Variants in FERMT3 observed in about 807,000 individuals in gnomAD.
FERMT3 encodes the protein FERM domain containing kindlin 3.
A neutral mutation model predicts 80.8 loss-of-function variants in FERMT3; 33 were observed. The ratio of observed to expected loss-of-function variants is 0.41; its 90% CI spans 0.31 to 0.55. The LOEUF (loss-of-function observed/expected upper bound fraction) is 0.55. Ranked by LOEUF, FERMT3 falls within the 20% of genes least tolerant of loss-of-function variation. FERMT3 has a pLI of 0.31. For synonymous variants in FERMT3, 375 were observed against 372.2 expected, an observed-to-expected ratio of 1.01 and a Z score of -0.09; for missense variants, 754 against 908.7, an observed-to-expected ratio of 0.83 and a Z score of 2.19.
intron 6 of FERMT3, among the ~76,000 whole-genome samples, chr11:64,214,392 C>A (rs955586417): frequency 6.6e-6 from 1 of 152,264 alleles, no homozygotes; most frequent in Admixed American, 6.5e-5. Flanking sequence ...GTTGCCCAGG[C>A]TAGAGTGCAA....
chr11:64,210,401 C>T lies in FERMT3; in HGVS notation c.161-210C>T, dbSNP rs893627200. ...CTCCCCTGGGAAGCGATATAGAAGC[C>T]AAGCCTAGAAGGCCAAATCAGGGGC... On this transcript the variant is annotated intron_variant, in intron 2 of 14. Transcript: ENST00000345728. The surrounding 1 kb of genome is among the most constrained non-coding windows in gnomAD (Gnocchi z 4.3). Among the ~76,000 whole-genome samples, 1 of 152,198 alleles carries T rather than the reference C, an allele frequency of 6.6e-6. No individual in the cohort carries two copies.
At chr11:64,209,132 C>G (rs1456598866) in intron 2 of FERMT3, among the ~76,000 whole-genome samples, 1 of 151,948 alleles carries the variant, frequency 6.6e-6, no homozygotes, top group African/African-American at 2.4e-5. Context: ...TGTCCCCCAG[C>G]CCTGAGAGGT....
In FERMT3 at chr11:64,211,214, G is replaced by A. The variant is rs1215642466; in HGVS notation, c.514+43G>A. 9 of 1,594,234 alleles carry A rather than the reference G, an allele frequency of 5.6e-6. No individual in the cohort carries two copies. Among genetic ancestry groups the A allele is most frequent in the African/African-American group, 1.3e-5 (1 of 74,264 alleles). Reference sequence around the variant, plus strand: ...TGGGCCTGGGGGGTTGGGGGCAGGGGCCGGCCCGTGAGTCCCAGCCCTGGG... The same window carrying A: ...TGGGCCTGGGGGGTTGGGGGCAGGGACCGGCCCGTGAGTCCCAGCCCTGGG... On this transcript the variant is annotated intron_variant, in intron 4 of 14. Coordinates refer to ENST00000345728, the MANE Select transcript of FERMT3 (RefSeq NM_031471.6). The surrounding 1 kb of genome is among the most constrained non-coding windows in gnomAD (Gnocchi z 4.7).
intron 6 of FERMT3, among the ~76,000 whole-genome samples, chr11:64,215,240 G>A (rs755472738): frequency 3.2e-4 from 48 of 152,212 alleles, no homozygotes; most frequent in Non-Finnish European, 5.0e-4. Flanking sequence ...CCCACACCCC[G>A]ACCACCACTG....
At chr11:64,217,085 G>A (rs1946568402) in intron 6 of FERMT3, among the ~76,000 whole-genome samples, 1 of 152,148 alleles carries the variant, frequency 6.6e-6, no homozygotes, top group Non-Finnish European at 1.5e-5. Flanking sequence ...CCCCCTGGAG[G>A]CGATGGGGCC....
intron 2 of FERMT3, 41 bp downstream of exon 2, chr11:64,207,565 G>A: frequency 1.3e-6 from 2 of 1,572,758 alleles, no homozygotes; most frequent in Non-Finnish European, 1.7e-6. Flanking sequence ...GGCACCATGG[G>A]CGGCCGCCAC....
In FERMT3 at chr11:64,207,501, T is replaced by A; in HGVS notation, c.137T>A (p.Leu46His). 6.2e-7 allele frequency: 1 copy of A among 1,612,538 alleles called. No individual in the cohort carries two copies. Among genetic ancestry groups the A allele is most frequent in the Non-Finnish European group, 8.5e-7 (1 of 1,179,150 alleles). Reference protein sequence around the residue: ...VTGESHIGGVLLKIVEQINRK... With the variant: ...VTGESHIGGVHLKIVEQINRK... ...GGGGAGTCGCACATCGGCGGGGTGC[T>A]CCTGAAGATTGTGGAGCAGATCAGT... Residue 46 changes from leucine (L) to histidine (H), a missense_variant, in exon 2 of 15, where the codon CTC (leucine) becomes CAC (histidine). Transcript: ENST00000345728.
intron 13 of FERMT3, among the ~76,000 whole-genome samples, chr11:64,222,259 A>G (rs1946707858): frequency 6.7e-6 from 1 of 148,638 alleles, no homozygotes; most frequent in African/African-American, 2.5e-5. Flanking sequence ...AAATAAATAA[A>G]TAAATAAATA....
chr11:64,208,554 C>G (rs892878514), intron 2 of FERMT3, among the ~76,000 whole-genome samples: 2 of 152,246 alleles, frequency 1.3e-5, no homozygotes, highest in Non-Finnish European at 2.9e-5. Context: ...CCGGGCCAGT[C>G]CCTGGCCTCC....
rs200509898 is a variant in FERMT3 at position 64,207,389 on chromosome 11, G to T, written c.25G>T (p.Gly9Trp). MAGMKTASGDYIDSSWELR... is the reference protein window; with the variant it reads MAGMKTASWDYIDSSWELR... ...CATGGCGGGGATGAAGACAGCCTCCGGGGACTACATCGACTCGTCATGGGA... is the reference window on the plus strand; with the variant it reads ...CATGGCGGGGATGAAGACAGCCTCCTGGGACTACATCGACTCGTCATGGGA... Residue 9 changes from glycine (G) to tryptophan (W), a missense_variant, in exon 2 of 15, where the codon GGG becomes TGG. Physicochemically the swap from Gly to Trp is radical, Grantham distance 184 (BLOSUM62 -2). Coordinates refer to ENST00000345728, the MANE Select transcript of FERMT3 (RefSeq NM_031471.6). 1 of 1,614,156 alleles carries T rather than the reference G, an allele frequency of 6.2e-7. No individual in the cohort carries two copies. The highest frequency in any genetic ancestry group is 2.2e-5 in the East Asian group (1 of 44,876).
chr11:64,221,619 A>C (rs1039807193), intron 13 of FERMT3, among the ~76,000 whole-genome samples: 7 of 151,706 alleles, frequency 4.6e-5, no homozygotes, highest in African/African-American at 1.7e-4. Flanking sequence ...TGACAAAGCG[A>C]GACTCTGTCT....
chr11:64,211,860 G>A lies in FERMT3; in HGVS notation c.786+113G>A, dbSNP rs1046367727. 1.3e-5 allele frequency: 13 copies of A among 1,016,680 alleles called. No individual in the cohort carries two copies. Among genetic ancestry groups the A allele is most frequent in the Non-Finnish European group, 1.7e-5 (11 of 658,782 alleles). 63.0% of individuals were successfully genotyped at this position (1,016,680 alleles called of 1,614,324 possible). On this transcript the variant is annotated intron_variant, in intron 6 of 14. Coordinates refer to ENST00000345728, the MANE Select transcript of FERMT3 (RefSeq NM_031471.6). The surrounding 1 kb of genome is among the most constrained non-coding windows in gnomAD (Gnocchi z 4.7). ...CTTGTAGTGGCCTGTCCGTCTGCCC[G>A]TTTGTCCATCCACACCTTTGTTTAC...
Position 64,211,876 on chromosome 11 carries a change from C to A in FERMT3, c.786+129C>A. The A allele has an allele frequency of 2.3e-6, 2 of 870,890 alleles. No individual in the cohort carries two copies. The highest frequency in any genetic ancestry group is 1.4e-5 in the South Asian group (1 of 69,260). 53.9% of individuals were successfully genotyped at this position (870,890 alleles called of 1,614,324 possible). On this transcript the variant is annotated intron_variant, in intron 6 of 14. Transcript: ENST00000345728. The surrounding 1 kb of genome is among the most constrained non-coding windows in gnomAD (Gnocchi z 4.7). ...CGTCTGCCCGTTTGTCCATCCACAC[C>A]TTTGTTTACTGACCCCACAAACACC...
chr11:64,207,406 G>C lies in FERMT3; in HGVS notation c.42G>C (p.Ser14=). The change falls in exon 2 of 15, where the codon TCG becomes TCC. Residue 14 remains serine (S), a synonymous_variant. Coordinates refer to ENST00000345728, the MANE Select transcript of FERMT3 (RefSeq NM_031471.6). ...MKTASGDYID[S]SWELRVFVGE... ...CAGCCTCCGGGGACTACATCGACTC[G>C]TCATGGGAGCTGCGGGTGTTTGTGG... is the stretch of plus-strand genomic sequence containing the variant. 8.7e-6 allele frequency: 14 copies of C among 1,614,196 alleles called. No individual in the cohort carries two copies. Among genetic ancestry groups the C allele is most frequent in the Non-Finnish European group, 1.1e-5 (13 of 1,180,032 alleles).
Position 64,211,640 on chromosome 11 carries a change from C to G in FERMT3, c.684-5C>G, listed in dbSNP as rs112945490. 1,078 of 1,613,680 alleles carry G rather than the reference C, an allele frequency of 6.7e-4. 15 individuals are homozygous for G. In the African/African-American group the frequency reaches 0.013, roughly 19 times the overall value. On this transcript the variant is annotated splice_region_variant and splice_polypyrimidine_tract_variant and intron_variant, in intron 5 of 14. Transcript: ENST00000345728. This position sits in a 1 kb window ranked among gnomAD's most constrained non-coding sequence, Gnocchi z 4.7. ...GCCCTGACTGCTGCTTCTGCCGCGG[C>G]CCAGGTGGCTGGACTCGTCGCGGTG... is the stretch of plus-strand genomic sequence containing the variant.
chr11:64,208,607 C>T (rs963155241), intron 2 of FERMT3, among the ~76,000 whole-genome samples: 2 of 152,212 alleles, frequency 1.3e-5, no homozygotes, highest in Admixed American at 1.3e-4. Flanking sequence ...GGCTGCGTGC[C>T]GGCTGCCGCA....
chr11:64,208,529 C>T (rs1341868201), intron 2 of FERMT3, among the ~76,000 whole-genome samples: 1 of 152,248 alleles, frequency 6.6e-6, no homozygotes, highest in Non-Finnish European at 1.5e-5. Context: ...TCTACTGATG[C>T]TCAGCCTGGC....
At chr11:64,220,743 G>A in intron 12 of FERMT3, 74 bp downstream of exon 12, 1 of 1,422,250 alleles carries the variant, frequency 7.0e-7, no homozygotes, top group South Asian at 1.2e-5. Flanking sequence ...TCTCCACAGA[G>A]CCTTCCTCAG....
rs377696113 is a variant in FERMT3 at position 64,210,875 on chromosome 11, C to T, written c.394+31C>T. 5.1e-5 allele frequency: 82 copies of T among 1,609,428 alleles called. No homozygotes were observed. The East Asian group carries it at 9.8e-4, about 19-fold the overall frequency. On this transcript the variant is annotated intron_variant, in intron 3 of 14. Coordinates refer to ENST00000345728, the MANE Select transcript of FERMT3 (RefSeq NM_031471.6). This position sits in a 1 kb window ranked among gnomAD's most constrained non-coding sequence, Gnocchi z 4.3. Reference sequence around the variant, plus strand: ...TTGCCCGGCTGATTCCCCTGGCCCACGAGGGTGATGCAAAGAGGCAGGTTC... The same window carrying T: ...TTGCCCGGCTGATTCCCCTGGCCCATGAGGGTGATGCAAAGAGGCAGGTTC...
Sources: allele counts gnomAD v4.1 joint callset (sites outside exome capture counted in the v4.1 genomes callset), GRCh38; gene constraint gnomAD v4.1.1; non-coding constraint Gnocchi (gnomAD v3.1); transcripts MANE v1.5; gene names NCBI Gene and HGNC (gene_info 2026-07-23, HGNC 2026-07-21).